The following TEAD1 variants were observed in gnomAD, a reference collection of about 807,000 sequenced individuals.
TEAD1 encodes transcriptional enhancer factor TEF-1.
In TEAD1, 9 loss-of-function variants were observed where a neutral mutation model predicts 54.9. The ratio of observed to expected loss-of-function variants is 0.16; its 90% CI spans 0.10 to 0.29. The LOEUF (loss-of-function observed/expected upper bound fraction) is 0.29. TEAD1 is among the 10% of genes least tolerant of loss of function. TEAD1 has a pLI of 1.00. For synonymous variants in TEAD1, 200 were observed against 187.8 expected (o/e 1.07, Z -0.53); for missense variants, 387 against 535.9 (o/e 0.72, Z 2.74).
At chr11:12,934,340 A>T (rs1175267206) in intron 12 of TEAD1, among the ~76,000 whole-genome samples, 1 of 152,126 alleles carries the variant, frequency 6.6e-6, no homozygotes, top group African/African-American at 2.4e-5. Context: ...TTGAACAATG[A>T]GAACACATGG....
chr11:12,692,739 G>A (rs1032991458), intron 2 of TEAD1, among the ~76,000 whole-genome samples: 1 of 152,164 alleles, frequency 6.6e-6, no homozygotes, highest in Admixed American at 6.5e-5. Flanking sequence ...ACATAGTGGA[G>A]GCTTCAGGAG....
At chr11:12,677,227 A>G (rs1486375354) in intron 2 of TEAD1, among the ~76,000 whole-genome samples, 2 of 152,144 alleles carry the variant, frequency 1.3e-5, no homozygotes, top group African/African-American at 4.8e-5. Context: ...AATTTAATTT[A>G]AAGGGGGAGG....
At chr11:12,909,433 C>A (rs1948578760) in intron 10 of TEAD1, among the ~76,000 whole-genome samples, 1 of 151,374 alleles carries the variant, frequency 6.6e-6, no homozygotes, top group Non-Finnish European at 1.5e-5. Flanking sequence ...AACAGAAAAC[C>A]AAACACCACG....
intron 10 of TEAD1, among the ~76,000 whole-genome samples, chr11:12,912,192 T>A (rs1948629075): frequency 1.3e-5 from 2 of 152,088 alleles, no homozygotes; most frequent in South Asian, 4.1e-4. Flanking sequence ...CATTTGCCAA[T>A]GTCGTCTTTG....
intron 2 of TEAD1, among the ~76,000 whole-genome samples, chr11:12,759,632 G>A (rs1346327172): frequency 2.0e-5 from 3 of 152,324 alleles, no homozygotes; most frequent in African/African-American, 7.2e-5. Flanking sequence ...GGAGTCCAAG[G>A]TGGGCGGATT....
chr11:12,777,133 C>T (rs559731466), intron 3 of TEAD1, among the ~76,000 whole-genome samples: 1 of 152,178 alleles, frequency 6.6e-6, no homozygotes, highest in East Asian at 1.9e-4. Flanking sequence ...AATGTACTCT[C>T]CTCTCCCTCT....
intron 3 of TEAD1, among the ~76,000 whole-genome samples, chr11:12,835,405 C>T (rs932783442): frequency 6.6e-6 from 1 of 151,812 alleles, no homozygotes; most frequent in African/African-American, 2.4e-5. Context: ...TGCAGTGGCG[C>T]AGTCTCGGTC....
intron 2 of TEAD1, among the ~76,000 whole-genome samples, chr11:12,762,478 A>G (rs1362963774): frequency 6.6e-6 from 1 of 152,202 alleles, no homozygotes; most frequent in Admixed American, 6.5e-5. Context: ...CTTGTGGCGT[A>G]ATTTATACCT....
At position 12,870,435 on chromosome 11, in the gene TEAD1, G is replaced by A. The variant is rs557666915; in HGVS notation, c.330+5535G>A. 2.6e-5 allele frequency among the ~76,000 whole-genome samples: 4 copies of A among 151,702 alleles called. No individual in the cohort carries two copies. The South Asian group carries it at 8.3e-4, about 32-fold the overall frequency. On this transcript the variant is annotated intron_variant, in intron 5 of 12. Coordinates refer to ENST00000527636, the MANE Select transcript of TEAD1 (RefSeq NM_021961.6). ...GGAGAGTAGAGACAAAGCGTCAGTA[G>A]ACTGAAGCTGAGATTCAAGAGCTCG...
intron 12 of TEAD1, among the ~76,000 whole-genome samples, chr11:12,933,690 G>A (rs1392054080): frequency 6.6e-6 from 1 of 152,186 alleles, no homozygotes; most frequent in Non-Finnish European, 1.5e-5. Flanking sequence ...TGAATAGGTT[G>A]TAGAGGTGCC....
At chr11:12,715,930 G>T (rs1944051183) in intron 2 of TEAD1, among the ~76,000 whole-genome samples, 1 of 152,028 alleles carries the variant, frequency 6.6e-6, no homozygotes, top group African/African-American at 2.4e-5. Context: ...GAAGATGGGG[G>T]AAAGACCAAC....
chr11:12,694,509 G>A (rs1590059103), intron 2 of TEAD1, among the ~76,000 whole-genome samples: 2 of 151,720 alleles, frequency 1.3e-5, no homozygotes, highest in Non-Finnish European at 2.9e-5. Flanking sequence ...GGAGAAACAC[G>A]AAGTTGTCTC....
intron 2 of TEAD1, among the ~76,000 whole-genome samples, chr11:12,679,833 G>T (rs1178180153): frequency 6.6e-6 from 1 of 151,996 alleles, no homozygotes. Context: ...GTAAATCTAG[G>T]GGAATGAAAT....
intron 2 of TEAD1, among the ~76,000 whole-genome samples, chr11:12,698,941 A>C (rs1471946410): frequency 6.6e-6 from 1 of 152,222 alleles, no homozygotes; most frequent in Non-Finnish European, 1.5e-5. Context: ...AATTAGTTGT[A>C]AGTTGGATTT....
rs570582159 is a variant in TEAD1 at position 12,909,960 on chromosome 11, T to C, written c.873+7847T>C. 3.3e-5 allele frequency among the ~76,000 whole-genome samples: 5 copies of C among 152,316 alleles called. No individual in the cohort carries two copies. The East Asian group carries it at 7.7e-4, about 24-fold the overall frequency. ...CTGGCAGCTAGTCATACTTCTTTTT[T>C]CCTTACAAAACATGATCAGGTGCTG... On this transcript the variant is annotated intron_variant, in intron 10 of 12. Coordinates refer to ENST00000527636, the MANE Select transcript of TEAD1 (RefSeq NM_021961.6).
chr11:12,930,589 G>A (rs1948994605), intron 12 of TEAD1, among the ~76,000 whole-genome samples: 1 of 152,208 alleles, frequency 6.6e-6, no homozygotes, highest in South Asian at 2.1e-4. Context: ...AATAAAAAGT[G>A]ATGTGTTTTT....
At chr11:12,862,021 A>T (rs1435827770) in intron 3 of TEAD1, among the ~76,000 whole-genome samples, 1 of 148,836 alleles carries the variant, frequency 6.7e-6, no homozygotes, top group Non-Finnish European at 1.5e-5. Context: ...AAAAGGATAA[A>T]TTTCTATTCT....
At chr11:12,854,400 A>G (rs1331267344) in intron 3 of TEAD1, among the ~76,000 whole-genome samples, 1 of 152,112 alleles carries the variant, frequency 6.6e-6, no homozygotes, top group Non-Finnish European at 1.5e-5. Context: ...TCTGTCTGGT[A>G]GTAGAGGGGT....
chr11:12,831,780 CA>C (rs10709676), intron 3 of TEAD1, among the ~76,000 whole-genome samples: 9,423 of 90,144 alleles, frequency 0.1, 792 homozygotes, highest in African/African-American at 0.27. Flanking sequence ...GACGCTGTCT[CA>C]AAAAAAAAAA....
Sources: gnomAD v4.1 joint callset for allele counts (sites outside exome capture counted in the v4.1 genomes callset) on GRCh38, gnomAD v4.1.1 for gene constraint, MANE v1.5 for transcripts, NCBI Gene and HGNC (gene_info 2026-07-23, HGNC 2026-07-21) for gene names.